The following ZNF583 variants were observed in gnomAD, a reference collection of about 807,000 sequenced individuals.
ZNF583 encodes the protein zinc finger protein L3-5.
In ZNF583, 30 loss-of-function variants were observed where a neutral mutation model predicts 55.3. That is an observed-to-expected ratio of 0.54 (90% confidence interval 0.41 to 0.74). ZNF583 has a LOEUF of 0.74. ZNF583 is among the 30% of genes least tolerant of loss of function. The pLI is 0.00. For synonymous variants in ZNF583, 208 were observed against 220.0 expected (o/e 0.95, Z 0.48); for missense variants, 504 against 664.7 (o/e 0.76, Z 2.66).
At chr19:56,409,661 T>C (rs2042207820) in intron 2 of ZNF583, among the ~76,000 whole-genome samples, 1 of 152,198 alleles carries the variant, frequency 6.6e-6, no homozygotes, top group Non-Finnish European at 1.5e-5. Context: ...TGAGAACCTC[T>C]GCCTTTAAAG....
chr19:56,423,753 A>G lies in ZNF583; in HGVS notation c.1095A>G (p.Gly365=). Residue 365 remains glycine, a synonymous_variant, in exon 5 of 5, where the codon GGA becomes GGG. Transcript: ENST00000333201. The part of the protein sequence containing the change: ...NVCGKAFSHR[G]YLIVHQRIHT... Reference sequence around the variant, plus strand: ...GTGGGAAAGCCTTTAGCCATCGTGGATACCTAATTGTACATCAGAGAATTC... The same window carrying G: ...GTGGGAAAGCCTTTAGCCATCGTGGGTACCTAATTGTACATCAGAGAATTC... 6.2e-7 allele frequency: 1 copy of G among 1,613,678 alleles called. No individual in the cohort carries two copies. The highest frequency in any genetic ancestry group is 8.5e-7 in the Non-Finnish European group (1 of 1,179,924).
At chr19:56,407,298 T>C (rs1208714890) in intron 2 of ZNF583, among the ~76,000 whole-genome samples, 175 bp downstream of exon 2, 1 of 152,234 alleles carries the variant, frequency 6.6e-6, no homozygotes, top group African/African-American at 2.4e-5. Context: ...TATCTTTTTT[T>C]CCACAGCCAG....
intron 2 of ZNF583, among the ~76,000 whole-genome samples, chr19:56,411,870 G>A (rs541474038): frequency 6.6e-6 from 1 of 152,242 alleles, no homozygotes; most frequent in Admixed American, 6.5e-5. Context: ...TTTTCCGGCA[G>A]TAGCAATTAA....
At chr19:56,412,947 GC>G (rs1281446753) in intron 2 of ZNF583, among the ~76,000 whole-genome samples, 2 of 151,900 alleles carry the variant, frequency 1.3e-5, no homozygotes, top group East Asian at 3.9e-4. Flanking sequence ...TCACTATATT[GC>G]CCAGGCTGGA....
At chr19:56,412,406 A>C (rs529410174) in intron 2 of ZNF583, among the ~76,000 whole-genome samples, 71 of 152,326 alleles carry the variant, frequency 4.7e-4, no homozygotes, top group African/African-American at 1.7e-3. Flanking sequence ...AAAGATCCTT[A>C]ATTCAACATT....
rs1467465570 is a variant in ZNF583 at position 56,404,915 on chromosome 19, G to C, written c.-90+463G>C. ...TAGACCACGTGTGAACAGTGTGTAA[G>C]ACCATGTCACTGTGTGTGTGACCTG... On this transcript the variant is annotated intron_variant, in intron 1 of 4. Transcript: ENST00000333201. The surrounding 1 kb of genome is among the most constrained non-coding windows in gnomAD (Gnocchi z 5.2). Among the ~76,000 whole-genome samples the C allele has an allele frequency of 1.3e-5, 2 of 152,076 alleles. No homozygotes were observed. Among genetic ancestry groups the C allele is most frequent in the African/African-American group, 2.4e-5 (1 of 41,404 alleles).
chr19:56,422,823 G>A (rs1232228782), intron 4 of ZNF583, 68 bp from the exon 5 acceptor site: 34 of 1,201,932 alleles, frequency 2.8e-5, no homozygotes, highest in East Asian at 1.5e-4. Flanking sequence ...TTTTATTCAC[G>A]TTTTTGTTTT....
intron 4 of ZNF583, among the ~76,000 whole-genome samples, chr19:56,420,305 G>T (rs1364933546): frequency 6.6e-6 from 1 of 152,064 alleles, no homozygotes; most frequent in African/African-American, 2.4e-5. Context: ...CTTGGTTTCG[G>T]TACTTTGGGA....
Position 56,416,319 on chromosome 19 carries a change from C to T in ZNF583, c.232+1879C>T, listed in dbSNP as rs371170527. Among the ~76,000 whole-genome samples the T allele has an allele frequency of 8.8e-5, 12 of 137,116 alleles. No individual in the cohort carries two copies. The East Asian group carries it at 1.2e-3, about 14-fold the overall frequency. The allele number at this position is 137,116 out of a possible 152,430, so 90.0% of individuals were successfully genotyped here. On this transcript the variant is annotated intron_variant, in intron 4 of 4. Transcript: ENST00000333201. ...TAGCCTGGGAGACAGAGTGAGACTC[C>T]GTCTCAAAAAAAAAAAAAAAAAAGA...
In ZNF583 at chr19:56,404,634, AGT is replaced by A. The variant is rs1182240887; in HGVS notation, c.-90+186_-90+187del. Among the ~76,000 whole-genome samples, 1 of 152,038 alleles carries A rather than the reference AGT, an allele frequency of 6.6e-6. No homozygotes were observed. Among genetic ancestry groups the A allele is most frequent in the Non-Finnish European group, 1.5e-5 (1 of 68,002 alleles). ...GTGAGAATTTGAGACCGTGTGTGAC[AGT>A]GTGAGAATGTGAGGCCGTGTGTGAA... On this transcript the variant is annotated intron_variant, in intron 1 of 4. Transcript: ENST00000333201. The surrounding 1 kb of genome is among the most constrained non-coding windows in gnomAD (Gnocchi z 5.2).
chr19:56,404,267 C>T (rs2042108482), upstream of ZNF583: 1 of 152,836 alleles, frequency 6.5e-6, no homozygotes, highest in African/African-American at 2.4e-5. The surrounding 1 kb of genome is among the most constrained non-coding windows in gnomAD (Gnocchi z 5.2). Flanking sequence ...CGGCCAACAT[C>T]CCAGCATCCT....
At position 56,408,900 on chromosome 19, in the gene ZNF583, T is replaced by C. The variant is rs554637944; in HGVS notation, c.9+1777T>C. Among the ~76,000 whole-genome samples, 15 of 152,312 alleles carry C rather than the reference T, an allele frequency of 9.8e-5. No individual in the cohort carries two copies. The East Asian group carries it at 1.9e-3, about 20-fold the overall frequency. ...CATTTTCTACAAGTATTTACCTCTC[T>C]TCATTTTAATCACAGTTGTGAATTT... On this transcript the variant is annotated intron_variant, in intron 2 of 4. Coordinates refer to ENST00000333201, the MANE Select transcript of ZNF583 (RefSeq NM_152478.3).
At chr19:56,420,562 T>G (rs1437145762) in intron 4 of ZNF583, among the ~76,000 whole-genome samples, 1 of 152,214 alleles carries the variant, frequency 6.6e-6, no homozygotes, top group Non-Finnish European at 1.5e-5. Flanking sequence ...ACACTTTCAA[T>G]TTTTGTTTTA....
At position 56,414,382 on chromosome 19, in the gene ZNF583, G is replaced by A. The variant is rs2042285633; in HGVS notation, c.174G>A (p.Leu58=). 1 of 1,613,862 alleles carries A rather than the reference G, an allele frequency of 6.2e-7. No homozygotes were observed. Residue 58 remains leucine (L), a synonymous_variant, in exon 4 of 5, where the codon TTG becomes TTA. Coordinates refer to ENST00000333201, the MANE Select transcript of ZNF583 (RefSeq NM_152478.3). ...CTAAGCCAGATGTGATCTCATTATT[G>A]GAGCAAGGAAAAGAGCCCTGGATGG... ...SVSKPDVISL[L]EQGKEPWMVK... is the part of the protein sequence containing the mutation.
At chr19:56,407,706 C>T (rs926505317) in intron 2 of ZNF583, among the ~76,000 whole-genome samples, 3 of 152,110 alleles carry the variant, frequency 2.0e-5, no homozygotes, top group Non-Finnish European at 4.4e-5. Flanking sequence ...TAGGGACATT[C>T]TGAGTGTCCA....
intron 1 of ZNF583, among the ~76,000 whole-genome samples, chr19:56,406,550 T>TG (rs2042152656): frequency 6.7e-6 from 1 of 148,644 alleles, no homozygotes; most frequent in African/African-American, 2.5e-5. Context: ...TTTTTTTTTT[T>TG]GAGACAGAGT....
intron 2 of ZNF583, among the ~76,000 whole-genome samples, chr19:56,411,124 C>CA (rs36007598): frequency 0.22 from 30,197 of 135,424 alleles, 3,518 homozygotes; most frequent in East Asian, 0.51. Flanking sequence ...TCATCTGTAC[C>CA]AAAAAAAAAA....
intron 4 of ZNF583, among the ~76,000 whole-genome samples, chr19:56,421,148 C>G (rs2147605277): frequency 6.6e-6 from 1 of 152,252 alleles, no homozygotes; most frequent in Admixed American, 6.5e-5. Context: ...TCAACCTCCA[C>G]TAACTCAATC....
chr19:56,423,855 G>A lies in ZNF583; in HGVS notation c.1197G>A (p.Gln399=), dbSNP rs536333493. ...AGTATGCACACCTTGCTCAACATCA[G>A]AGAGTTCATACTGGAGAAAAACCTT... ...FSQYAHLAQH[Q]RVHTGEKPYE... Residue 399 remains glutamine (Q), a synonymous_variant, in exon 5 of 5, where the codon CAG becomes CAA. Transcript: ENST00000333201. The A allele has an allele frequency of 3.1e-6, 5 of 1,614,062 alleles. No homozygotes were observed. Among genetic ancestry groups the A allele is most frequent in the Non-Finnish European group, 4.2e-6 (5 of 1,179,978 alleles).
Sources: allele counts gnomAD v4.1 joint callset (sites outside exome capture counted in the v4.1 genomes callset), GRCh38; gene constraint gnomAD v4.1.1; non-coding constraint Gnocchi (gnomAD v3.1); transcripts MANE v1.5; gene names NCBI Gene and HGNC (gene_info 2026-07-23, HGNC 2026-07-21).